The following RIMS1 variants were observed in gnomAD, a reference collection of about 807,000 sequenced individuals.
RIMS1 encodes regulating synaptic membrane exocytosis 1.
Under a neutral mutation model 214.1 loss-of-function variants are expected in RIMS1, and 83 were observed. The observed-to-expected ratio is 0.39, with a 90% CI of 0.32 to 0.47. RIMS1 has a LOEUF of 0.47. Ranked by LOEUF, RIMS1 falls within the 20% of genes least tolerant of loss-of-function variation. The pLI is 0.99. For missense variants in RIMS1, 2,050 were observed against 2,161.8 expected (o/e 0.95, Z 1.03); for synonymous variants, 793 against 786.8 (o/e 1.01, Z -0.13).
intron 2 of RIMS1, among the ~76,000 whole-genome samples, chr6:72,060,061 C>T (rs1827447663): frequency 6.6e-6 from 1 of 151,990 alleles, no homozygotes; most frequent in African/African-American, 2.4e-5. Context: ...GCCTCAGCCT[C>T]CCGAGTAGCT....
intron 6 of RIMS1, among the ~76,000 whole-genome samples, chr6:72,197,912 G>A (rs1364265031): frequency 1.8e-4 from 27 of 152,062 alleles, no homozygotes; most frequent in Non-Finnish European, 2.9e-5. Flanking sequence ...GGGGAAAAAT[G>A]TATAAGCTTT....
intron 9 of RIMS1, among the ~76,000 whole-genome samples, chr6:72,240,630 C>CTTT (rs11344285): frequency 3.6e-5 from 3 of 82,496 alleles, no homozygotes; most frequent in African/African-American, 5.2e-5. Context: ...TTTCTTTTTT[C>CTTT]TTTTTTTTTT....
At chr6:71,888,778 A>G (rs930670411) in intron 1 of RIMS1, among the ~76,000 whole-genome samples, 2 of 152,226 alleles carry the variant, frequency 1.3e-5, no homozygotes, top group Admixed American at 6.5e-5. Flanking sequence ...CTGGTTCTAT[A>G]AAGAGCAGCA....
At chr6:72,040,433 G>A (rs551476670) in intron 2 of RIMS1, among the ~76,000 whole-genome samples, 5 of 152,046 alleles carry the variant, frequency 3.3e-5, no homozygotes, top group African/African-American at 1.2e-4. Flanking sequence ...CTAGCATTTA[G>A]GACAATACTT....
intron 1 of RIMS1, among the ~76,000 whole-genome samples, chr6:71,936,078 C>T (rs1784326673): frequency 6.6e-6 from 1 of 151,796 alleles, no homozygotes; most frequent in South Asian, 2.1e-4. Context: ...GGGCCGGGCG[C>T]GGTGGCTCAC....
chr6:71,909,986 A>T (rs1202721757), intron 1 of RIMS1, among the ~76,000 whole-genome samples: 1 of 152,178 alleles, frequency 6.6e-6, no homozygotes, highest in African/African-American at 2.4e-5. Context: ...TATTTGCTGT[A>T]AGTTAAATGG....
intron 2 of RIMS1, among the ~76,000 whole-genome samples, chr6:72,007,112 C>T (rs745435377): frequency 5.3e-5 from 8 of 152,154 alleles, no homozygotes; most frequent in Non-Finnish European, 7.3e-5. Context: ...GCTGGGTACT[C>T]CTCTGAGACA....
intron 4 of RIMS1, among the ~76,000 whole-genome samples, chr6:72,153,913 G>T (rs988517926): frequency 6.6e-6 from 1 of 152,026 alleles, no homozygotes; most frequent in African/African-American, 2.4e-5. Context: ...AATGTATAAG[G>T]CATGAAAAAA....
intron 26 of RIMS1, among the ~76,000 whole-genome samples, chr6:72,294,278 G>A (rs1484893073): frequency 6.6e-6 from 1 of 151,678 alleles, no homozygotes. Context: ...TGATTTCATT[G>A]TTGTTCTTAA....
Position 72,381,406 on chromosome 6 carries a change from A to T in RIMS1, c.4367-9192A>T, listed in dbSNP as rs2098484614. 3.9e-5 allele frequency among the ~76,000 whole-genome samples: 6 copies of T among 152,262 alleles called. 1 individual carries two copies. Among genetic ancestry groups the T allele is most frequent in the African/African-American group, 1.4e-4 (6 of 41,468 alleles). On this transcript the variant is annotated intron_variant, in intron 29 of 33. Transcript: ENST00000521978. ...AGAGGGACATAATTTAGCTCCTAAC[A>T]CTAGAAATACTTTGGAAACATTGAA... is the stretch of plus-strand genomic sequence containing the variant.
chr6:72,091,186 C>G (rs1375295469), intron 2 of RIMS1, among the ~76,000 whole-genome samples: 1 of 152,170 alleles, frequency 6.6e-6, no homozygotes, highest in Non-Finnish European at 1.5e-5. Flanking sequence ...TCAGAGAAAG[C>G]CCTCACCTGC....
rs898958843 is a variant in RIMS1 at position 72,402,037 on chromosome 6, T to A, written c.*1323T>A. Reference sequence around the variant, plus strand: ...GACATTCTGTACATGTGCTACAAACTGCAGTCTCTGCAGGTGCATTGATAT... The same window carrying A: ...GACATTCTGTACATGTGCTACAAACAGCAGTCTCTGCAGGTGCATTGATAT... On this transcript the variant is annotated 3_prime_UTR_variant, in exon 34 of 34. Transcript: ENST00000521978. The A allele has an allele frequency of 6.6e-6, 1 of 152,494 alleles. No individual in the cohort carries two copies. Among genetic ancestry groups the A allele is most frequent in the Non-Finnish European group, 1.5e-5 (1 of 68,050 alleles). 9.4% of individuals were successfully genotyped at this position (152,494 alleles called of 1,614,324 possible).
intron 9 of RIMS1, among the ~76,000 whole-genome samples, chr6:72,240,887 A>T (rs1205776111): frequency 6.6e-6 from 1 of 151,948 alleles, no homozygotes. Context: ...GTGGTGGTGC[A>T]TGCTTGTAAT....
chr6:72,348,465 C>T (rs1050937972), intron 29 of RIMS1, among the ~76,000 whole-genome samples: 19 of 151,864 alleles, frequency 1.3e-4, no homozygotes, highest in Non-Finnish European at 2.9e-5. Context: ...GCTTATATAT[C>T]ACTTCAAAAG....
At chr6:72,356,232 A>T (rs1380886231) in intron 29 of RIMS1, among the ~76,000 whole-genome samples, 1 of 152,028 alleles carries the variant, frequency 6.6e-6, no homozygotes, top group Non-Finnish European at 1.5e-5. Context: ...ACTCCAAATC[A>T]CTAAGCTTCA....
At chr6:72,131,258 A>G (rs903114488) in intron 4 of RIMS1, among the ~76,000 whole-genome samples, 2 of 152,218 alleles carry the variant, frequency 1.3e-5, no homozygotes, top group East Asian at 1.9e-4. Context: ...AAGTAGGAGT[A>G]TGATGACCTA....
rs564536834 is a variant in RIMS1 at position 72,047,982 on chromosome 6, A to G, written c.246-48967A>G. Reference sequence around the variant, plus strand: ...ATCACTACTACTAGCAAAACAACTTATACATTCAAAAATTATTTGCGGAGT... The same window carrying G: ...ATCACTACTACTAGCAAAACAACTTGTACATTCAAAAATTATTTGCGGAGT... On this transcript the variant is annotated intron_variant, in intron 2 of 33. Transcript: ENST00000521978. 7.2e-5 allele frequency among the ~76,000 whole-genome samples: 11 copies of G among 152,332 alleles called. No homozygotes were observed. In the East Asian group the frequency reaches 2.1e-3, roughly 29 times the overall value.
chr6:72,185,786 A>G (rs569570009), intron 6 of RIMS1, among the ~76,000 whole-genome samples: 1 of 152,314 alleles, frequency 6.6e-6, no homozygotes, highest in South Asian at 2.1e-4. Flanking sequence ...CATTGCCATA[A>G]AGTTACACCA....
chr6:72,096,893 C>G, intron 2 of RIMS1, 56 bp from the exon 3 acceptor site: 1 of 1,396,510 alleles, frequency 7.2e-7, no homozygotes. Context: ...TTTGTTTGTT[C>G]TTGGTTTTGT....
Sources: gnomAD v4.1 joint callset for allele counts (sites outside exome capture counted in the v4.1 genomes callset) on GRCh38, gnomAD v4.1.1 for gene constraint, MANE v1.5 for transcripts, NCBI Gene and HGNC (gene_info 2026-07-23, HGNC 2026-07-21) for gene names.